The following MRTFA variants were observed in gnomAD, a reference collection of about 807,000 sequenced individuals.
MRTFA encodes the protein myocardin-related transcription factor A.
Under a neutral mutation model 83.5 loss-of-function variants are expected in MRTFA, and 20 were observed. That is an observed-to-expected ratio of 0.24 (90% CI 0.17 to 0.35). The LOEUF (loss-of-function observed/expected upper bound fraction) is 0.35, where lower values mean the gene tolerates loss of function less well. Among genes scored for constraint, MRTFA ranks in the 10% least tolerant of loss-of-function variants. The pLI, the probability that MRTFA is intolerant of heterozygous loss-of-function variation, is 1.00. For synonymous variants in MRTFA, 659 were observed against 541.2 expected, an observed-to-expected ratio of 1.22 and a Z score of -3.02; for missense variants, 1,200 against 1,224.7, an observed-to-expected ratio of 0.98 and a Z score of 0.30.
At chr22:40,463,200 C>T in intron 4 of MRTFA, 21 bp downstream of exon 4, 2 of 1,609,266 alleles carry the variant, frequency 1.2e-6, no homozygotes, top group Non-Finnish European at 1.7e-6. Flanking sequence ...CTACCAAATG[C>T]TGAGAGAGAG....
chr22:40,592,534 G>A (rs958839231), intron 2 of MRTFA, among the ~76,000 whole-genome samples: 1 of 150,196 alleles, frequency 6.7e-6, no homozygotes, highest in Non-Finnish European at 1.5e-5. Context: ...TGTCACCCAG[G>A]CTGGAATGCA....
intron 3 of MRTFA, among the ~76,000 whole-genome samples, chr22:40,485,251 T>G (rs1336897551): frequency 6.6e-6 from 1 of 152,188 alleles, no homozygotes; most frequent in Non-Finnish European, 1.5e-5. Context: ...TTTCAAATCA[T>G]CCCAGTATTA....
intron 3 of MRTFA, among the ~76,000 whole-genome samples, chr22:40,539,220 G>T (rs888273573): frequency 1.3e-4 from 20 of 151,484 alleles, no homozygotes; most frequent in African/African-American, 4.6e-4. Context: ...GGCTGGTCTT[G>T]AACTCCTGGC....
chr22:40,500,074 C>G (rs969959381), intron 3 of MRTFA, among the ~76,000 whole-genome samples: 2 of 151,776 alleles, frequency 1.3e-5, no homozygotes, highest in East Asian at 1.9e-4. Context: ...AGATTACAGG[C>G]GCTCACCACT....
At chr22:40,493,882 A>G (rs924715972) in intron 3 of MRTFA, among the ~76,000 whole-genome samples, 1 of 152,260 alleles carries the variant, frequency 6.6e-6, no homozygotes, top group Admixed American at 6.5e-5. Flanking sequence ...AATAGTGTTT[A>G]GGTCTCAGTT....
rs201055493 is a variant in MRTFA at position 40,431,393 on chromosome 22, C to T, written c.439+12G>A. ...CTGGATCTAGATGGAAAAGCAATTC[C>T]AATCTCCACACCTTCCAAAATGTGC... is the stretch of plus-strand genomic sequence containing the variant. On this transcript the variant is annotated intron_variant, in intron 6 of 14. Coordinates refer to ENST00000355630, the MANE Select transcript of MRTFA (RefSeq NM_020831.6). 4 of 1,613,486 alleles carry T rather than the reference C, an allele frequency of 2.5e-6. No homozygotes were observed. The highest frequency in any genetic ancestry group is 2.7e-5 in the African/African-American group (2 of 75,034).
chr22:40,419,472 G>A (rs1770663795), intron 11 of MRTFA, 88 bp from the exon 12 acceptor site: 1 of 1,236,086 alleles, frequency 8.1e-7, no homozygotes, highest in African/African-American at 1.5e-5. Context: ...GGCCCCATGG[G>A]CCACTGCAGA....
intron 3 of MRTFA, among the ~76,000 whole-genome samples, chr22:40,508,694 T>C (rs2054620093): frequency 6.8e-6 from 1 of 147,374 alleles, no homozygotes; most frequent in South Asian, 2.2e-4. Flanking sequence ...TAACTGTGGT[T>C]TGAGGGTACT....
intron 1 of MRTFA, among the ~76,000 whole-genome samples, chr22:40,603,211 A>AC (rs1207817788): frequency 6.6e-6 from 1 of 152,200 alleles, no homozygotes; most frequent in Non-Finnish European, 1.5e-5. Flanking sequence ...GGCTTCTGAC[A>AC]CTTCAGCTCT....
chr22:40,563,322 G>A (rs991086486), intron 2 of MRTFA, among the ~76,000 whole-genome samples: 5 of 152,042 alleles, frequency 3.3e-5, no homozygotes, highest in Non-Finnish European at 7.4e-5. Context: ...TATTATCATG[G>A]ATTGATCTCC....
chr22:40,443,290 G>A (rs1303125435), intron 4 of MRTFA, among the ~76,000 whole-genome samples: 1 of 151,952 alleles, frequency 6.6e-6, no homozygotes, highest in East Asian at 1.9e-4. Context: ...AAAACTTAAT[G>A]TACTACTGTA....
chr22:40,526,339 T>TA (rs1351102676), intron 3 of MRTFA: 1 of 152,060 alleles, frequency 6.6e-6, no homozygotes, highest in Non-Finnish European at 1.5e-5. Flanking sequence ...GGCCCAAAAG[T>TA]AACATCTGAT....
intron 5 of MRTFA, among the ~76,000 whole-genome samples, chr22:40,432,664 G>A (rs1439783280): frequency 7.0e-6 from 1 of 143,202 alleles, no homozygotes; most frequent in Admixed American, 6.9e-5. Flanking sequence ...TAAAGGTAAA[G>A]ACTGGAAAAA....
intron 3 of MRTFA, among the ~76,000 whole-genome samples, chr22:40,539,191 G>T (rs951670081): frequency 6.6e-6 from 1 of 151,154 alleles, no homozygotes; most frequent in African/African-American, 2.4e-5. Flanking sequence ...TTGAGATGGG[G>T]TTTCACCATG....
chr22:40,590,721 AT>A (rs1746438197), intron 2 of MRTFA, among the ~76,000 whole-genome samples: 1 of 152,010 alleles, frequency 6.6e-6, no homozygotes, highest in Non-Finnish European at 1.5e-5. Flanking sequence ...GTATGACAAT[AT>A]TCACATCTTT....
chr22:40,459,715 T>G (rs2053662152), intron 4 of MRTFA, among the ~76,000 whole-genome samples: 1 of 150,002 alleles, frequency 6.7e-6, no homozygotes, highest in South Asian at 2.1e-4. Context: ...CACTGTACTT[T>G]ACAACTGGCT....
At chr22:40,561,009 T>A (rs55674424) in intron 2 of MRTFA, among the ~76,000 whole-genome samples, 13,020 of 150,932 alleles carry the variant, frequency 0.086, 736 homozygotes, top group East Asian at 0.25. Flanking sequence ...CTTCTGAAAA[T>A]TTTTTTTAAA....
chr22:40,420,196 G>A (rs534931815), intron 11 of MRTFA, among the ~76,000 whole-genome samples: 2 of 152,340 alleles, frequency 1.3e-5, no homozygotes, highest in African/African-American at 2.4e-5. Context: ...GAGGAAGCTG[G>A]TGTCATTCAC....
At chr22:40,412,006 CAAAA>C in intron 14 of MRTFA, 99 bp from the exon 15 acceptor site, 1 of 1,066,688 alleles carries the variant, frequency 9.4e-7, no homozygotes, top group African/African-American at 1.6e-5. Flanking sequence ...ACACCATTTA[CAAAA>C]ATAAAACGGA....
Sources: allele counts gnomAD v4.1 joint callset (sites outside exome capture counted in the v4.1 genomes callset), GRCh38; gene constraint gnomAD v4.1.1; transcripts MANE v1.5; gene names NCBI Gene and HGNC (gene_info 2026-07-23, HGNC 2026-07-21).